Variants in MAK observed in about 807,000 individuals in gnomAD.
MAK encodes the protein male germ cell associated kinase.
Under a neutral mutation model 82.6 loss-of-function variants are expected in MAK, and 65 were observed. The ratio of observed to expected loss-of-function variants is 0.79; its 90% CI spans 0.64 to 0.97. The LOEUF (loss-of-function observed/expected upper bound fraction) is 0.97. Ranked by LOEUF, MAK falls within the 50% of genes least tolerant of loss-of-function variation. The pLI is 0.00. For synonymous variants in MAK, 250 were observed against 274.2 expected, an observed-to-expected ratio of 0.91 and a Z score of 0.87; for missense variants, 703 against 780.2, an observed-to-expected ratio of 0.90 and a Z score of 1.18.
chr6:10,810,454 C>T (rs1409940799), intron 5 of MAK, among the ~76,000 whole-genome samples: 2 of 151,116 alleles, frequency 1.3e-5, no homozygotes, highest in African/African-American at 2.4e-5. Context: ...ATTCTCCTGC[C>T]TCAGCCTCTG....
At position 10,800,997 on chromosome 6, in the gene MAK, T is replaced by G. The variant is rs569872892; in HGVS notation, c.831+895A>C. Reference sequence around the variant, plus strand: ...TGTGATGCCACGTTTGTTTACCTTGTGCTGACTCATATGTTCTGCAACATT... The same window carrying G: ...TGTGATGCCACGTTTGTTTACCTTGGGCTGACTCATATGTTCTGCAACATT... On this transcript the variant is annotated intron_variant, in intron 8 of 14. Coordinates refer to ENST00000354489, the MANE Select transcript of MAK (RefSeq NM_001242957.3). The surrounding 1 kb of genome is among the most constrained non-coding windows in gnomAD (Gnocchi z 4.2). Among the ~76,000 whole-genome samples, 1 of 148,232 alleles carries G rather than the reference T, an allele frequency of 6.7e-6. No individual in the cohort carries two copies. Among genetic ancestry groups the G allele is most frequent in the East Asian group, 1.9e-4 (1 of 5,190 alleles).
intron 3 of MAK, 34 bp from the exon 4 acceptor site, chr6:10,818,005 A>T (rs202025998): frequency 3.7e-5 from 50 of 1,354,580 alleles, no homozygotes; most frequent in Non-Finnish European, 5.0e-5. Context: ...AAAATTTCTT[A>T]AAAAAAACTT....
chr6:10,772,986 C>A (rs368712064), intron 13 of MAK, 48 bp downstream of exon 13: 1 of 1,238,550 alleles, frequency 8.1e-7, no homozygotes, highest in South Asian at 1.3e-5. Flanking sequence ...GAAAATCAGA[C>A]AAGAGATTCA....
chr6:10,814,300 G>A (rs187702079), intron 4 of MAK, among the ~76,000 whole-genome samples: 22 of 152,194 alleles, frequency 1.4e-4, no homozygotes, highest in African/African-American at 5.3e-4. Context: ...GTCCCAAGAA[G>A]AGCAAAGCAA....
In MAK at chr6:10,808,864, A is replaced by G. The variant is rs765454168; in HGVS notation, c.437T>C (p.Leu146Pro). 6.2e-7 allele frequency: 1 copy of G among 1,613,972 alleles called. No individual in the cohort carries two copies. Among genetic ancestry groups the G allele is most frequent in the Non-Finnish European group, 8.5e-7 (1 of 1,179,900 alleles). ...TGGCTGTGACCTTAATTCTCTTGCA[A>G]GTCCAAAATCAGCAATTTTCACAAG... Reference protein sequence around the residue: ...PELVKIADFGLARELRSQPPY... With the variant: ...PELVKIADFGPARELRSQPPY... Residue 146 changes from leucine (L) to proline (P), a missense_variant, in exon 6 of 15, where the codon CTT becomes CCT. By Grantham distance (98) the Leu-to-Pro change is moderately conservative (BLOSUM62 -3). Transcript: ENST00000354489.
intron 6 of MAK, among the ~76,000 whole-genome samples, chr6:10,804,570 T>C (rs1219832336): frequency 6.6e-6 from 1 of 152,196 alleles, no homozygotes; most frequent in African/African-American, 2.4e-5. Context: ...CTCGAACTCC[T>C]GACCTCAGGT....
rs192069711 is a variant in MAK, at chr6:10,833,381, G to A, written c.-229-2504C>T. ...ACGCTTTGGGAGGCCAAGACGGGTGGATCACCTGAGGTCAGGTGTTTGAGA... is the reference window on the plus strand; with the variant it reads ...ACGCTTTGGGAGGCCAAGACGGGTGAATCACCTGAGGTCAGGTGTTTGAGA... On this transcript the variant is annotated intron_variant, in intron 1 of 14. Coordinates refer to ENST00000354489, the MANE Select transcript of MAK (RefSeq NM_001242957.3). 1.2e-3 allele frequency among the ~76,000 whole-genome samples: 184 copies of A among 152,280 alleles called. 1 individual carries two copies. The highest frequency in any genetic ancestry group is 3.1e-3 in the South Asian group (15 of 4,824).
intron 11 of MAK, among the ~76,000 whole-genome samples, chr6:10,781,590 A>G (rs1482054873): frequency 1.3e-5 from 2 of 151,826 alleles, no homozygotes; most frequent in African/African-American, 4.8e-5. Flanking sequence ...CGCCCGGCTA[A>G]TTACTGTATT....
chr6:10,785,672 C>T (rs2127534581), intron 10 of MAK, among the ~76,000 whole-genome samples: 1 of 152,364 alleles, frequency 6.6e-6, no homozygotes, highest in Middle Eastern at 3.4e-3. Flanking sequence ...AAATTCTACC[C>T]ATTCCCAAAA....
Position 10,798,699 on chromosome 6 carries a change from G to A in MAK, c.832-2390C>T, listed in dbSNP as rs542755369. 7.2e-5 allele frequency among the ~76,000 whole-genome samples: 11 copies of A among 151,820 alleles called. No homozygotes were observed. The East Asian group carries it at 2.1e-3, about 29-fold the overall frequency. ...TTTGTATAATAGTATTTTAGCATGA[G>A]ATTTCTCCCAAATTATTTAAAAATT... On this transcript the variant is annotated intron_variant, in intron 8 of 14. Coordinates refer to ENST00000354489, the MANE Select transcript of MAK (RefSeq NM_001242957.3).
At chr6:10,815,946 ATG>A (rs1777467805) in intron 4 of MAK, among the ~76,000 whole-genome samples, 2 of 111,930 alleles carry the variant, frequency 1.8e-5, no homozygotes, top group African/African-American at 7.0e-5. Context: ...ATATATATAT[ATG>A]TATGTTTTCT....
At chr6:10,807,696 T>C (rs906908294) in intron 6 of MAK, among the ~76,000 whole-genome samples, 2 of 151,910 alleles carry the variant, frequency 1.3e-5, no homozygotes, top group African/African-American at 4.8e-5. Context: ...GGCAGAGGCA[T>C]GTGTTGTAAG....
At chr6:10,764,750 TG>T in intron 14 of MAK, 144 bp from the exon 15 acceptor site, 1 of 854,478 alleles carries the variant, frequency 1.2e-6, no homozygotes, top group Middle Eastern at 3.4e-4. Context: ...GCTTTTTAAA[TG>T]TTAAAACCAA....
At chr6:10,765,440 ATTTTTTTTTTTTTT>A (rs200536068) in intron 14 of MAK, among the ~76,000 whole-genome samples, 3 of 130,618 alleles carry the variant, frequency 2.3e-5, no homozygotes, top group Non-Finnish European at 4.6e-5. Context: ...TAGAATGAAG[ATTTTTTTTTTTTTT>A]TTTTTTTTTT....
At position 10,800,327 on chromosome 6, in the gene MAK, TTAAG is replaced by T. The variant is rs1775919886; in HGVS notation, c.831+1561_831+1564del. On this transcript the variant is annotated intron_variant, in intron 8 of 14. Coordinates refer to ENST00000354489, the MANE Select transcript of MAK (RefSeq NM_001242957.3). The surrounding 1 kb of genome is among the most constrained non-coding windows in gnomAD (Gnocchi z 4.2). ...CTTGTGTTTCTGTAGGAGTATTATA[TTAAG>T]AATTAAAAATAATTTTCTCTGTCTT... Among the ~76,000 whole-genome samples the T allele has an allele frequency of 3.3e-5, 5 of 152,096 alleles. No homozygotes were observed. The highest frequency in any genetic ancestry group is 6.6e-5 in the Admixed American group (1 of 15,266).
intron 11 of MAK, among the ~76,000 whole-genome samples, chr6:10,778,973 C>A (rs762097102): frequency 1.5e-4 from 23 of 151,472 alleles, no homozygotes; most frequent in Non-Finnish European, 3.1e-4. Flanking sequence ...ACTAAAAATA[C>A]AAAAATTAGC....
rs189391222 is a variant in MAK at position 10,816,130 on chromosome 6, C to T, written c.278+1720G>A. ...AAGCAATTCTTCTGTCTTACCTTCC[C>T]GAGTGGCTGGGATTATGGGTGGCCT... On this transcript the variant is annotated intron_variant, in intron 4 of 14. Coordinates refer to ENST00000354489, the MANE Select transcript of MAK (RefSeq NM_001242957.3). Among the ~76,000 whole-genome samples, 77 of 151,468 alleles carry T rather than the reference C, an allele frequency of 5.1e-4. No individual in the cohort carries two copies. In the East Asian group the frequency reaches 0.013, roughly 26 times the overall value.
chr6:10,826,248 C>A (rs549895662), intron 2 of MAK, among the ~76,000 whole-genome samples: 2 of 151,846 alleles, frequency 1.3e-5, no homozygotes, highest in East Asian at 3.9e-4. Flanking sequence ...CCCCCCACCC[C>A]CCCTTTTAAA....
At chr6:10,812,325 A>G (rs1476408308) in intron 5 of MAK, among the ~76,000 whole-genome samples, 1 of 152,254 alleles carries the variant, frequency 6.6e-6, no homozygotes, top group Non-Finnish European at 1.5e-5. Flanking sequence ...CTAATTTAGT[A>G]TCTAAACATC....
Sources: allele counts gnomAD v4.1 joint callset (sites outside exome capture counted in the v4.1 genomes callset), GRCh38; gene constraint gnomAD v4.1.1; non-coding constraint Gnocchi (gnomAD v3.1); transcripts MANE v1.5; gene names NCBI Gene and HGNC (gene_info 2026-07-23, HGNC 2026-07-21).